Variants in CELA3B observed in about 807,000 individuals in gnomAD.
The protein encoded by CELA3B is chymotrypsin like elastase 3B.
A neutral mutation model predicts 37.2 loss-of-function variants in CELA3B; 34 were observed. That is an observed-to-expected ratio of 0.91 (90% CI 0.70 to 1.22). The LOEUF is 1.22. CELA3B is among the 50% of genes most tolerant of loss of function. The pLI, the probability that CELA3B is intolerant of heterozygous loss-of-function variation, is 0.00. For synonymous variants in CELA3B, 127 were observed against 143.5 expected, an observed-to-expected ratio of 0.89 and a Z score of 0.82; for missense variants, 340 against 363.1, an observed-to-expected ratio of 0.94 and a Z score of 0.52.
At chr1:21,977,617 C>G (rs1051922716) in intron 1 of CELA3B, among the ~76,000 whole-genome samples, 4 of 152,216 alleles carry the variant, frequency 2.6e-5, no homozygotes, top group African/African-American at 9.7e-5. Context: ...ATGTAATTCT[C>G]ACAACAGCCT....
At chr1:21,997,707 T>G (rs1481618268) in intron 4 of CELA3B, among the ~76,000 whole-genome samples, 1 of 150,522 alleles carries the variant, frequency 6.6e-6, no homozygotes, top group Non-Finnish European at 1.5e-5. Flanking sequence ...AAAAAAAAAT[T>G]ATGATCTTGC....
At chr1:21,979,591 T>C (rs1457032408) in intron 2 of CELA3B, among the ~76,000 whole-genome samples, 5 of 151,090 alleles carry the variant, frequency 3.3e-5, no homozygotes, top group African/African-American at 1.2e-4. Flanking sequence ...TAGCTAGGAC[T>C]ACAGGCATGT....
At chr1:21,993,170 T>C (rs1471720068), downstream of CELA3B, among the ~76,000 whole-genome samples, 4 of 151,414 alleles carry the variant, frequency 2.6e-5, no homozygotes, top group Non-Finnish European at 4.4e-5. Context: ...AAAAGGTTAT[T>C]GTATTTATGG....
At chr1:21,978,299 C>G in intron 1 of CELA3B, 70 bp from the exon 2 acceptor site, 1 of 1,574,266 alleles carries the variant, frequency 6.4e-7, no homozygotes, top group Non-Finnish European at 8.7e-7. Context: ...ACGGCTTGGA[C>G]TGGGACCCTG....
At chr1:21,992,185 C>T (rs1261975570), downstream of CELA3B, among the ~76,000 whole-genome samples, 1 of 151,286 alleles carries the variant, frequency 6.6e-6, no homozygotes. Context: ...ACTGAACAAA[C>T]GTATGTTACA....
chr1:21,988,231 CAAACA>C (rs1411596161), intron 7 of CELA3B, among the ~76,000 whole-genome samples: 5 of 138,366 alleles, frequency 3.6e-5, no homozygotes, highest in South Asian at 2.3e-4. Context: ...AACAAACAAA[CAAACA>C]AAAAAACAGT....
intron 7 of CELA3B, chr1:21,987,062 A>T (rs932376174): frequency 2.7e-6 from 1 of 370,554 alleles, no homozygotes; most frequent in Non-Finnish European, 5.5e-6. Context: ...GAGAGAGGGG[A>T]GTCCAGGCCC....
At chr1:21,989,770 G>T (rs1010549198), downstream of CELA3B, among the ~76,000 whole-genome samples, 2 of 150,890 alleles carry the variant, frequency 1.3e-5, no homozygotes, top group Non-Finnish European at 2.9e-5. Context: ...TGGGGGCTTT[G>T]GTTATTCATT....
At chr1:21,994,328 G>A (rs1023188997), downstream of CELA3B, among the ~76,000 whole-genome samples, 3 of 150,566 alleles carry the variant, frequency 2.0e-5, no homozygotes. Flanking sequence ...AGACATGCCT[G>A]GGCTGGGCCC....
At chr1:21,987,891 T>C (rs1351500823) in intron 7 of CELA3B, 1 of 151,568 alleles carries the variant, frequency 6.6e-6, no homozygotes, top group East Asian at 1.9e-4. Flanking sequence ...AAGGATGACA[T>C]GCAAAGTCAT....
intron 1 of CELA3B, among the ~76,000 whole-genome samples, chr1:21,977,659 T>C (rs1644780112): frequency 6.6e-6 from 1 of 152,202 alleles, no homozygotes; most frequent in South Asian, 2.1e-4. Flanking sequence ...TTCCCCATTT[T>C]ACCGACCCTC....
chr1:21,984,092 C>T, intron 5 of CELA3B, 97 bp from the exon 6 acceptor site: 1 of 1,452,018 alleles, frequency 6.9e-7, no homozygotes, highest in Non-Finnish European at 9.4e-7. Flanking sequence ...GAGTCCTCAT[C>T]AGAGCAGAAG....
intron 1 of CELA3B, among the ~76,000 whole-genome samples, chr1:21,977,507 C>T (rs1386059453): frequency 6.6e-6 from 1 of 152,182 alleles, no homozygotes; most frequent in Non-Finnish European, 1.5e-5. Flanking sequence ...GCCACCTCTT[C>T]CAAGCAGCCT....
In CELA3B at chr1:21,981,157, C is replaced by G. The variant is rs773645202; in HGVS notation, c.347C>G (p.Ser116Trp). Residue 116 changes from serine (S) to tryptophan (W), a missense_variant, in exon 4 of 8, where the codon TCG (serine) becomes TGG (tryptophan). Coordinates refer to ENST00000337107, the MANE Select transcript of CELA3B (RefSeq NM_007352.4). ...TTTGTGCATCCACTCTGGAACCGCT[C>G]GTGTGTGGCCTGTGGGTGAGTGAAT... ...DLFVHPLWNR[S>W]CVACGNDIAL... 6.2e-7 allele frequency: 1 copy of G among 1,611,970 alleles called. No homozygotes were observed. Among genetic ancestry groups the G allele is most frequent in the Non-Finnish European group, 8.5e-7 (1 of 1,179,986 alleles).
chr1:21,984,316 C>A lies in CELA3B; in HGVS notation c.627C>A (p.Ile209=). ...KKTMVCAGGD[I]RSGCNGDSGG... is the part of the protein sequence containing the mutation. The stretch of plus-strand genomic sequence containing the variant: ...CCATGGTGTGTGCTGGAGGGGACAT[C>A]CGCTCCGGCTGCAATGTGAGTCAGC... The change falls in exon 6 of 8, where the codon ATC becomes ATA. Residue 209 remains isoleucine (I), a synonymous_variant. Transcript: ENST00000337107. 6.2e-7 allele frequency: 1 copy of A among 1,613,634 alleles called. No homozygotes were observed. The highest frequency in any genetic ancestry group is 8.5e-7 in the Non-Finnish European group (1 of 1,179,808).
intron 4 of CELA3B, among the ~76,000 whole-genome samples, chr1:21,994,985 G>C (rs1250506268): frequency 9.1e-6 from 1 of 109,596 alleles, no homozygotes; most frequent in Non-Finnish European, 1.7e-5. Context: ...CTGGGCGACA[G>C]AGTGAGACTT....
intron 7 of CELA3B, 104 bp from the exon 8 acceptor site, chr1:21,989,158 T>G: frequency 6.3e-7 from 1 of 1,594,990 alleles, no homozygotes; most frequent in Admixed American, 1.7e-5. Context: ...TCAATTCCTC[T>G]CCCAGGGTCA....
intron 4 of CELA3B, among the ~76,000 whole-genome samples, chr1:21,996,933 G>A (rs1383265858): frequency 1.3e-5 from 2 of 151,342 alleles, no homozygotes; most frequent in Admixed American, 6.6e-5. Context: ...GGGGCTGGTA[G>A]CTGGGAAATG....
At chr1:21,988,815 A>C (rs1644855042) in intron 7 of CELA3B, among the ~76,000 whole-genome samples, 1 of 151,184 alleles carries the variant, frequency 6.6e-6, no homozygotes, top group African/African-American at 2.4e-5. Context: ...GCATGAACCC[A>C]AGAGGTGGAG....
Sources: gnomAD v4.1 joint callset for allele counts (sites outside exome capture counted in the v4.1 genomes callset) on GRCh38, gnomAD v4.1.1 for gene constraint, MANE v1.5 for transcripts, NCBI Gene and HGNC (gene_info 2026-07-23, HGNC 2026-07-21) for gene names.